The following GLS variants were observed in gnomAD, a reference collection of about 807,000 sequenced individuals.
GLS encodes glutaminase kidney isoform, mitochondrial.
GLS carries 36 observed loss-of-function variants against 86.7 expected under a neutral mutation model. The ratio of observed to expected loss-of-function variants is 0.42; its 90% CI spans 0.32 to 0.55. The LOEUF (loss-of-function observed/expected upper bound fraction) is 0.55, where lower values mean the gene tolerates loss of function less well. Among genes scored for constraint, GLS ranks in the 20% least tolerant of loss-of-function variants. The pLI, the probability that GLS is intolerant of heterozygous loss-of-function variation, is 0.17. For missense variants in GLS, 528 were observed against 833.4 expected (o/e 0.63, Z 4.51); for synonymous variants, 317 against 305.9 (o/e 1.04, Z -0.38).
At chr2:190,926,610 C>T (rs1296816136) in intron 11 of GLS, among the ~76,000 whole-genome samples, 2 of 151,916 alleles carry the variant, frequency 1.3e-5, no homozygotes, top group Non-Finnish European at 1.5e-5. Flanking sequence ...GGGTTTGGTA[C>T]GGTGAACTAT....
chr2:190,957,628 G>A (rs4853453), intron 17 of GLS, among the ~76,000 whole-genome samples: 135,734 of 152,228 alleles, frequency 0.89, 60,544 homozygotes, highest in Admixed American at 0.91. Context: ...AGGTGTGTTG[G>A]ATTTTGTCAA....
intron 14 of GLS, chr2:190,933,615 G>T: frequency 1.1e-6 from 1 of 945,182 alleles, no homozygotes; most frequent in Non-Finnish European, 1.3e-6. Flanking sequence ...AAGCTATAAT[G>T]GTTAGTTACT....
At position 190,918,530 on chromosome 2, in the gene GLS, A is replaced by G. The variant is rs112370774; in HGVS notation, c.1039-2494A>G. On this transcript the variant is annotated intron_variant, in intron 7 of 17. Transcript: ENST00000320717. ...ATTTTTTTTTTATCTAGACCACACAAATTTTCTCCATGTTACCGGTTATGC... is the reference window on the plus strand; with the variant it reads ...ATTTTTTTTTTATCTAGACCACACAGATTTTCTCCATGTTACCGGTTATGC... Among the ~76,000 whole-genome samples the G allele has an allele frequency of 2.3e-3, 347 of 152,034 alleles. 1 individual carries two copies. Among genetic ancestry groups the G allele is most frequent in the African/African-American group, 7.5e-3 (313 of 41,472 alleles).
intron 6 of GLS, 141 bp from the exon 7 acceptor site, chr2:190,910,122 T>A (rs1689306348): frequency 1.8e-6 from 1 of 555,692 alleles, no homozygotes; most frequent in Admixed American, 3.6e-5. Context: ...TGTGCTTGTA[T>A]ATAAAGATAA....
intron 4 of GLS, 96 bp from the exon 5 acceptor site, chr2:190,901,851 G>A (rs1688952853): frequency 2.6e-6 from 2 of 769,420 alleles, no homozygotes; most frequent in Admixed American, 1.8e-5. Context: ...CTAGTCATTG[G>A]TAGAAGGTAA....
At chr2:190,909,038 G>C (rs939437086) in intron 6 of GLS, among the ~76,000 whole-genome samples, 1 of 152,090 alleles carries the variant, frequency 6.6e-6, no homozygotes, top group Non-Finnish European at 1.5e-5. Context: ...ACAAATAAAA[G>C]TATAAACTAA....
chr2:190,932,735 A>C, intron 14 of GLS: 1 of 1,600,680 alleles, frequency 6.2e-7, no homozygotes, highest in South Asian at 1.1e-5. Flanking sequence ...GGACCATTGG[A>C]CTATGAAAGT....
At chr2:190,926,319 C>T (rs928748023) in intron 11 of GLS, among the ~76,000 whole-genome samples, 5 of 152,090 alleles carry the variant, frequency 3.3e-5, no homozygotes, top group African/African-American at 9.7e-5. Context: ...TCGATTCTGT[C>T]GTTTTTGAGA....
rs1314511294 is a variant in GLS, at chr2:190,914,349, C to A, written c.1038+4028C>A. Reference sequence around the variant, plus strand: ...GTAGTTTGTGACTCTCAGAGTAATGCATGATGCCTTGGACTTGCAACATTC... The same window carrying A: ...GTAGTTTGTGACTCTCAGAGTAATGAATGATGCCTTGGACTTGCAACATTC... On this transcript the variant is annotated intron_variant, in intron 7 of 17. Coordinates refer to ENST00000320717, the MANE Select transcript of GLS (RefSeq NM_014905.5). This position sits in a 1 kb window ranked among gnomAD's most constrained non-coding sequence, Gnocchi z 4.4. Among the ~76,000 whole-genome samples, 1 of 151,506 alleles carries A rather than the reference C, an allele frequency of 6.6e-6. No homozygotes were observed. Among genetic ancestry groups the A allele is most frequent in the Non-Finnish European group, 1.5e-5 (1 of 67,930 alleles).
chr2:190,911,024 A>G (rs1472231883), intron 7 of GLS, among the ~76,000 whole-genome samples: 1 of 150,304 alleles, frequency 6.7e-6, no homozygotes, highest in Non-Finnish European at 1.5e-5. Flanking sequence ...TGTGTGATAG[A>G]TTTTTAAATC....
chr2:190,899,780 A>G (rs1688874723), intron 3 of GLS, among the ~76,000 whole-genome samples: 1 of 152,174 alleles, frequency 6.6e-6, no homozygotes, highest in South Asian at 2.1e-4. Context: ...TCTTTTTAGC[A>G]AAAAGCAGAA....
chr2:190,911,886 T>C (rs922438968), intron 7 of GLS, among the ~76,000 whole-genome samples: 2 of 152,106 alleles, frequency 1.3e-5, no homozygotes, highest in Non-Finnish European at 2.9e-5. Flanking sequence ...GAGATTAACA[T>C]ACACTACGCA....
chr2:190,910,934 T>G (rs1689337703), intron 7 of GLS, among the ~76,000 whole-genome samples: 2 of 138,390 alleles, frequency 1.4e-5, no homozygotes, highest in South Asian at 2.3e-4. Flanking sequence ...ATTGTAAGGG[T>G]TTTTTTTTTT....
At chr2:190,910,965 A>C (rs1689339469) in intron 7 of GLS, among the ~76,000 whole-genome samples, 1 of 150,106 alleles carries the variant, frequency 6.7e-6, no homozygotes, top group African/African-American at 2.4e-5. Context: ...GGTTTGCGTT[A>C]ATAATTGGAA....
intron 5 of GLS, among the ~76,000 whole-genome samples, chr2:190,902,553 T>C (rs1323152337): frequency 2.0e-5 from 3 of 152,176 alleles, no homozygotes; most frequent in African/African-American, 7.2e-5. Context: ...CAGGCACAGC[T>C]GCTGACAGAT....
At chr2:190,958,071 G>A (rs753355938) in intron 17 of GLS, among the ~76,000 whole-genome samples, 18 of 152,068 alleles carry the variant, frequency 1.2e-4, no homozygotes, top group Non-Finnish European at 1.6e-4. Flanking sequence ...ATTAATTACT[G>A]CCTCAATTTC....
rs1487042043 is a variant in GLS, at chr2:190,924,174, G to C, written c.1197+191G>C. Reference sequence around the variant, plus strand: ...GTTATTGTTAATTTGATTTGTATCTGGCAGCATTTAAATATTTGACTCATA... The same window carrying C: ...GTTATTGTTAATTTGATTTGTATCTCGCAGCATTTAAATATTTGACTCATA... On this transcript the variant is annotated intron_variant, in intron 10 of 17. Coordinates refer to ENST00000320717, the MANE Select transcript of GLS (RefSeq NM_014905.5). This position sits in a 1 kb window ranked among gnomAD's most constrained non-coding sequence, Gnocchi z 5.2. Among the ~76,000 whole-genome samples, 1 of 152,004 alleles carries C rather than the reference G, an allele frequency of 6.6e-6. No individual in the cohort carries two copies. Among genetic ancestry groups the C allele is most frequent in the African/African-American group, 2.4e-5 (1 of 41,410 alleles).
In GLS at chr2:190,880,879, G is replaced by A. The variant is rs1358126376; in HGVS notation, c.-206G>A. ...GTCGCGGCAATCCTAGCGCGCAGCA[G>A]CAGCAGCAGCAGCAGCAGCAGCAGC... On this transcript the variant is annotated 5_prime_UTR_variant, in exon 1 of 18. Transcript: ENST00000320717. 3.0e-6 allele frequency: 1 copy of A among 338,640 alleles called. No homozygotes were observed. The highest frequency in any genetic ancestry group is 4.0e-5 in the South Asian group (1 of 25,046). 21.0% of individuals were successfully genotyped at this position (338,640 alleles called of 1,614,324 possible).
At position 190,930,676 on chromosome 2, in the gene GLS, A is replaced by G. The variant is rs1394903631; in HGVS notation, c.1557+108A>G. ...TTCATTAACTCTTGGCCCTCCGCCT[A>G]TAGTGTGCCAGTTACTAGGGAGCCG... On this transcript the variant is annotated intron_variant, in intron 13 of 17. Coordinates refer to ENST00000320717, the MANE Select transcript of GLS (RefSeq NM_014905.5). This position sits in a 1 kb window ranked among gnomAD's most constrained non-coding sequence, Gnocchi z 5.0. 5 of 983,078 alleles carry G rather than the reference A, an allele frequency of 5.1e-6. No individual in the cohort carries two copies. The highest frequency in any genetic ancestry group is 7.5e-6 in the Non-Finnish European group (5 of 667,932). 60.9% of individuals were successfully genotyped at this position (983,078 alleles called of 1,614,324 possible).
Sources: gnomAD v4.1 joint callset for allele counts (sites outside exome capture counted in the v4.1 genomes callset) on GRCh38, gnomAD v4.1.1 for gene constraint, Gnocchi (gnomAD v3.1) non-coding constraint, MANE v1.5 for transcripts, NCBI Gene and HGNC (gene_info 2026-07-23, HGNC 2026-07-21) for gene names.